NCK2: variants seen among roughly 807,000 people sequenced by gnomAD.
NCK2 encodes NCK adaptor protein 2, also known as cytoplasmic protein NCK2.
NCK2 carries 16 observed loss-of-function variants against 33.9 expected under a neutral mutation model. The observed-to-expected ratio is 0.47, with a 90% CI of 0.32 to 0.72. NCK2 has a LOEUF of 0.72. Among genes scored for constraint, NCK2 ranks in the 30% least tolerant of loss-of-function variants. The pLI is 0.03. For missense variants in NCK2, 418 were observed against 537.3 expected, an observed-to-expected ratio of 0.78 and a Z score of 2.19; for synonymous variants, 273 against 239.9, an observed-to-expected ratio of 1.14 and a Z score of -1.27.
intron 1 of NCK2, among the ~76,000 whole-genome samples, chr2:105,759,472 T>TATTACATATA (rs57005277): frequency 6.6e-6 from 1 of 151,900 alleles, no homozygotes; most frequent in Non-Finnish European, 1.5e-5. Flanking sequence ...TTTTATATAA[T>TATTACATATA]AAAACATATG....
intron 1 of NCK2, among the ~76,000 whole-genome samples, chr2:105,789,281 A>G (rs1013856939): frequency 6.6e-6 from 1 of 152,112 alleles, no homozygotes; most frequent in Non-Finnish European, 1.5e-5. Context: ...TCTGCCTCCC[A>G]GGTTCAAGCA....
chr2:105,867,545 G>T (rs1479941036), intron 3 of NCK2, among the ~76,000 whole-genome samples: 3 of 152,178 alleles, frequency 2.0e-5, no homozygotes, highest in African/African-American at 4.8e-5. Context: ...GACACGGATT[G>T]TCTAAAAAGA....
intron 3 of NCK2, among the ~76,000 whole-genome samples, chr2:105,863,974 G>C (rs1022289388): frequency 9.5e-5 from 14 of 146,916 alleles, no homozygotes; most frequent in Admixed American, 3.4e-4. Context: ...CTTGGCGAGG[G>C]GGGGTGGGGT....
intron 1 of NCK2, among the ~76,000 whole-genome samples, chr2:105,781,002 T>C (rs531457437): frequency 6.6e-6 from 1 of 152,346 alleles, no homozygotes; most frequent in Non-Finnish European, 1.5e-5. Context: ...CTCTCTTTTC[T>C]CATTGCCCGA....
chr2:105,798,316 C>T (rs529268898), intron 1 of NCK2, among the ~76,000 whole-genome samples: 5 of 152,246 alleles, frequency 3.3e-5, no homozygotes, highest in African/African-American at 1.2e-4. Context: ...TCACTGTGGC[C>T]TCTTGTTTGT....
At chr2:105,761,187 G>A (rs573594970) in intron 1 of NCK2, among the ~76,000 whole-genome samples, 21 of 152,298 alleles carry the variant, frequency 1.4e-4, no homozygotes, top group Non-Finnish European at 2.8e-4. Context: ...TGCCCTACCC[G>A]GGTGCTGGGA....
intron 3 of NCK2, among the ~76,000 whole-genome samples, chr2:105,860,182 A>G (rs1677462140): frequency 6.6e-6 from 1 of 152,164 alleles, no homozygotes; most frequent in Non-Finnish European, 1.5e-5. Context: ...GCTACTCAAG[A>G]GGCTCAGTTG....
intron 4 of NCK2, among the ~76,000 whole-genome samples, chr2:105,883,600 G>A (rs1573248424): frequency 6.6e-6 from 1 of 152,292 alleles, no homozygotes; most frequent in Admixed American, 6.5e-5. Context: ...TGGCCTTAGG[G>A]AGGACCTATG....
At chr2:105,782,428 C>T (rs760970305) in intron 1 of NCK2, among the ~76,000 whole-genome samples, 3 of 152,172 alleles carry the variant, frequency 2.0e-5, no homozygotes, top group Non-Finnish European at 4.4e-5. Flanking sequence ...CATTTGAGGA[C>T]TTGAGAAGAA....
chr2:105,820,929 A>G (rs572034269), intron 2 of NCK2, among the ~76,000 whole-genome samples: 1 of 152,334 alleles, frequency 6.6e-6, no homozygotes, highest in Non-Finnish European at 1.5e-5. Context: ...GGTGATGTGC[A>G]TGTCCAGCGT....
In NCK2 at chr2:105,872,190, A is replaced by G. The variant is rs140622687; in HGVS notation, c.227-9138A>G. 3.5e-3 allele frequency among the ~76,000 whole-genome samples: 528 copies of G among 152,278 alleles called. 2 individuals carry two copies. The highest frequency in any genetic ancestry group is 0.011 in the African/African-American group (470 of 41,550). On this transcript the variant is annotated intron_variant, in intron 3 of 4. Transcript: ENST00000233154. ...CTGCCAGCCTCAGCTGGAGAGCTCTATGCTCCTGCCCTGCCCAGATCCCTC... is the reference window on the plus strand; with the variant it reads ...CTGCCAGCCTCAGCTGGAGAGCTCTGTGCTCCTGCCCTGCCCAGATCCCTC...
At chr2:105,844,926 A>G (rs1049297663) in intron 2 of NCK2, among the ~76,000 whole-genome samples, 7 of 151,904 alleles carry the variant, frequency 4.6e-5, no homozygotes, top group African/African-American at 1.7e-4. Flanking sequence ...AGAATTCTAC[A>G]TTTGGAATAA....
intron 3 of NCK2, among the ~76,000 whole-genome samples, chr2:105,858,612 C>T (rs1677386656): frequency 1.3e-5 from 2 of 152,196 alleles, no homozygotes; most frequent in East Asian, 3.8e-4. Flanking sequence ...CCAGCAAAAC[C>T]ACAGTGTTGT....
At chr2:105,835,408 T>TAC (rs1553458610) in intron 2 of NCK2, among the ~76,000 whole-genome samples, 105 of 41,138 alleles carry the variant, frequency 2.6e-3, no homozygotes, top group Middle Eastern at 0.018. Context: ...TATATATACG[T>TAC]GTATATATAT....
At chr2:105,782,690 A>T (rs1418699713) in intron 1 of NCK2, among the ~76,000 whole-genome samples, 1 of 151,918 alleles carries the variant, frequency 6.6e-6, no homozygotes, top group Non-Finnish European at 1.5e-5. Flanking sequence ...AGAGTGGGGG[A>T]TCCGGCCCGT....
At chr2:105,873,246 ACT>A (rs1181624982) in intron 3 of NCK2, among the ~76,000 whole-genome samples, 1 of 152,036 alleles carries the variant, frequency 6.6e-6, no homozygotes. Flanking sequence ...CTCATGAGCC[ACT>A]CTCAGGATGT....
intron 3 of NCK2, among the ~76,000 whole-genome samples, chr2:105,864,828 T>TACACACACACACACAC (rs10524426): frequency 1.6e-4 from 23 of 144,462 alleles, no homozygotes; most frequent in African/African-American, 5.9e-4. Flanking sequence ...CATGTGCATG[T>TACACACACACACACAC]ACACACACAC....
intron 1 of NCK2, among the ~76,000 whole-genome samples, chr2:105,787,197 A>T (rs1039674327): frequency 3.3e-5 from 5 of 152,192 alleles, no homozygotes. Context: ...CCTCACACTG[A>T]AGGAAGCTCA....
chr2:105,787,909 C>A (rs144845328), intron 1 of NCK2, among the ~76,000 whole-genome samples: 1 of 151,552 alleles, frequency 6.6e-6, no homozygotes, highest in Admixed American at 6.6e-5. Flanking sequence ...CGCCCCCCAC[C>A]GCCCCCGACT....
Sources: gnomAD v4.1 joint callset for allele counts (sites outside exome capture counted in the v4.1 genomes callset) on GRCh38, gnomAD v4.1.1 for gene constraint, MANE v1.5 for transcripts, NCBI Gene and HGNC (gene_info 2026-07-23, HGNC 2026-07-21) for gene names.